SHOX: variants seen among roughly 807,000 people sequenced by gnomAD.
SHOX encodes the protein SHOX homeobox.
SHOX carries 12 observed loss-of-function variants against 29.6 expected under a neutral mutation model. The ratio of observed to expected loss-of-function variants is 0.41; its 90% CI spans 0.26 to 0.66. SHOX has a LOEUF of 0.66. Among genes scored for constraint, SHOX ranks in the 30% least tolerant of loss-of-function variants. The probability of loss-of-function intolerance (pLI) is 0.35; values close to 1 mark genes in which losing one functional copy is unlikely to be tolerated. For missense variants in SHOX, 499 were observed against 437.7 expected, an observed-to-expected ratio of 1.14 and a Z score of -1.25; for synonymous variants, 214 against 200.6, an observed-to-expected ratio of 1.07 and a Z score of -0.57.
At chrX:640,735 G>T in intron 2 of SHOX, 86 bp from the exon 3 acceptor site, 3 of 1,479,774 alleles carry the variant, frequency 2.0e-6, no homozygotes, top group Non-Finnish European at 2.8e-6. Flanking sequence ...CAAAGTGCTT[G>T]GTTCAGCCTC....
chrX:631,878 C>T lies in SHOX; in HGVS notation c.277+704C>T, dbSNP rs1343422164. On this transcript the variant is annotated intron_variant, in intron 1 of 4. Transcript: ENST00000686671. ...GTGTGTTTCTGTCTCTGCCTGTCTGCCTTGTATTTACGGTCACCCAGACGC... is the reference window on the plus strand; with the variant it reads ...GTGTGTTTCTGTCTCTGCCTGTCTGTCTTGTATTTACGGTCACCCAGACGC... 3 of 456,000 alleles carry T rather than the reference C, an allele frequency of 6.6e-6. No homozygotes were observed. In the Admixed American group the frequency reaches 7.0e-5, roughly 11 times the overall value. 28.2% of individuals were successfully genotyped at this position (456,000 alleles called of 1,614,324 possible). A position where few individuals can be genotyped will look rare whatever the true frequency, so the allele number is the denominator to read the frequency against.
At chrX:657,788 T>G (rs2053168016) in intron 5 of SHOX, among the ~76,000 whole-genome samples, 1 of 152,112 alleles carries the variant, frequency 6.6e-6, no homozygotes, top group South Asian at 2.1e-4. Context: ...ATGTCACCCA[T>G]GCAAATTATG....
chrX:648,750 T>C lies in SHOX; in HGVS notation c.*4114T>C, dbSNP rs751502295. ...AGTTGGGTGACTTTCTGTAGGTGGA[T>C]GAGTGATCCCTGAATGAGTGTGGGG... On this transcript the variant is annotated 3_prime_UTR_variant, in exon 5 of 5. Transcript: ENST00000686671. 6.6e-6 allele frequency among the ~76,000 whole-genome samples: 1 copy of C among 152,236 alleles called. No homozygotes were observed. The highest frequency in any genetic ancestry group is 1.9e-4 in the East Asian group (1 of 5,164).
chrX:653,665 T>C (rs185167006), downstream of SHOX, among the ~76,000 whole-genome samples: 28 of 152,262 alleles, frequency 1.8e-4, no homozygotes, highest in Admixed American at 2.0e-4. Flanking sequence ...ACGGTTTCAA[T>C]AGGAATGAGA....
rs1241463102 is a variant in SHOX at position 641,548 on chromosome X, G to A, written c.633+461G>A. On this transcript the variant is annotated intron_variant, in intron 4 of 4. Transcript: ENST00000686671. ...TACTGAAAACACAAAGCTTAGCCGG[G>A]CGTGGTGGTGCACACCTGTGATCCC... 2.6e-5 allele frequency among the ~76,000 whole-genome samples: 4 copies of A among 152,080 alleles called. No individual in the cohort carries two copies. In the South Asian group the frequency reaches 6.2e-4, roughly 24 times the overall value.
intron 4 of SHOX, among the ~76,000 whole-genome samples, chrX:641,617 T>C (rs1218055999): frequency 2.7e-5 from 4 of 149,096 alleles, no homozygotes; most frequent in Admixed American, 2.0e-4. Flanking sequence ...GAGGTGGAGG[T>C]TGCCGTGAGC....
chrX:641,601 A>C (rs1179996380), intron 4 of SHOX, among the ~76,000 whole-genome samples: 1 of 150,348 alleles, frequency 6.7e-6, no homozygotes, highest in Non-Finnish European at 1.5e-5. Flanking sequence ...AATCACTTGA[A>C]CCTGGGAGGT....
chrX:656,661 G>A (rs1342993563), intron 5 of SHOX, among the ~76,000 whole-genome samples: 2 of 152,050 alleles, frequency 1.3e-5, no homozygotes, highest in African/African-American at 2.4e-5. Flanking sequence ...CTAACACGGT[G>A]AAACCCCGTC....
At chrX:642,822 G>A (rs1359523772) in intron 4 of SHOX, among the ~76,000 whole-genome samples, 6 of 151,340 alleles carry the variant, frequency 4.0e-5, no homozygotes, top group African/African-American at 1.5e-4. Flanking sequence ...GACACCTGGT[G>A]TCCTGGGAGG....
At chrX:628,331 CTT>C (rs2052579445), upstream of SHOX, among the ~76,000 whole-genome samples, 1 of 150,512 alleles carries the variant, frequency 6.6e-6, no homozygotes, top group South Asian at 2.1e-4. Flanking sequence ...TTGTCTCTCT[CTT>C]TCTCTCTCTC....
intron 5 of SHOX, among the ~76,000 whole-genome samples, chrX:658,606 G>A (rs939227444): frequency 6.6e-6 from 1 of 151,822 alleles, no homozygotes; most frequent in Non-Finnish European, 1.5e-5. Context: ...CAGTAGCTGG[G>A]ACTACAGGCG....
chrX:624,701 TTTTCTTTCTTTCTTTCTTTC>T (rs780534775), intron 1 of SHOX: 1 of 105,372 alleles, frequency 9.5e-6, no homozygotes, highest in Non-Finnish European at 1.8e-5. Flanking sequence ...TTCCTCTTTC[TTTTCTTTCTTTCTTTCTTTC>T]TTTCTTTCTT....
chrX:632,091 C>A (rs1185732668), intron 1 of SHOX: 6 of 437,390 alleles, frequency 1.4e-5, no homozygotes, highest in Admixed American at 2.4e-5. Flanking sequence ...TTGATCTTGG[C>A]GAAAGCTGTT....
rs2053181050 is a variant in SHOX at position 658,621 on chromosome X, C to T, written c.634-164C>T. Among the ~76,000 whole-genome samples, 3 of 151,892 alleles carry T rather than the reference C, an allele frequency of 2.0e-5. No individual in the cohort carries two copies. The South Asian group carries it at 6.2e-4, about 32-fold the overall frequency. Reference sequence around the variant, plus strand: ...CAGTAGCTGGGACTACAGGCGCCCGCCACCGCGCCCGGCTAATTTTTTGTA... The same window carrying T: ...CAGTAGCTGGGACTACAGGCGCCCGTCACCGCGCCCGGCTAATTTTTTGTA... On this transcript the variant is annotated intron_variant, in intron 5 of 5. Transcript: ENST00000334060.
chrX:633,753 G>A (rs1288412732), intron 1 of SHOX, among the ~76,000 whole-genome samples: 3 of 152,198 alleles, frequency 2.0e-5, no homozygotes, highest in African/African-American at 7.2e-5. Context: ...AGGGGCGTTG[G>A]AGATGCCACT....
At chrX:653,098 G>A (rs1444614207), downstream of SHOX, among the ~76,000 whole-genome samples, 7 of 152,058 alleles carry the variant, frequency 4.6e-5, no homozygotes, top group Non-Finnish European at 7.4e-5. Context: ...AAAATTAGCC[G>A]GGCGTGGTGG....
At chrX:625,752 G>T (rs1264751134) in intron 1 of SHOX, among the ~76,000 whole-genome samples, 1 of 121,350 alleles carries the variant, frequency 8.2e-6, no homozygotes, top group African/African-American at 3.3e-5. Flanking sequence ...CTTTTTCTCT[G>T]TCTCTGTCTG....
At chrX:626,577 G>GTCTCTGTCTCTCTCTCCTC (rs1569492214), upstream of SHOX, among the ~76,000 whole-genome samples, 2 of 15,928 alleles carry the variant, frequency 1.3e-4, no homozygotes, top group African/African-American at 5.3e-4. Context: ...GTCTCTGTCT[G>GTCTCTGTCTCTCTCTCCTC]TATCTCTGTC....
intron 1 of SHOX, chrX:624,701 T>TTTTCTTTTCTTTCTTTCTTTC (rs1556451345): frequency 9.5e-6 from 1 of 105,372 alleles, no homozygotes; most frequent in Non-Finnish European, 1.8e-5. Flanking sequence ...TTCCTCTTTC[T>TTTTCTTTTCTTTCTTTCTTTC]TTTCTTTCTT....
Sources: gnomAD v4.1 joint callset for allele counts (sites outside exome capture counted in the v4.1 genomes callset) on GRCh38, gnomAD v4.1.1 for gene constraint, MANE v1.5 for transcripts, NCBI Gene and HGNC (gene_info 2026-07-23, HGNC 2026-07-21) for gene names.